The following CUX1 variants were observed in gnomAD, a reference collection of about 807,000 sequenced individuals.
CUX1 encodes protein CASP.
A neutral mutation model predicts 158.8 loss-of-function variants in CUX1; 31 were observed. That is an observed-to-expected ratio of 0.20 (90% confidence interval 0.15 to 0.26). The LOEUF is 0.26. Among genes scored for constraint, CUX1 ranks in the 10% least tolerant of loss-of-function variants. The pLI is 1.00. For synonymous variants in CUX1, 879 were observed against 862.1 expected (o/e 1.02, Z -0.34); for missense variants, 1,589 against 2,014.6 (o/e 0.79, Z 4.04).
intron 20 of CUX1, among the ~76,000 whole-genome samples, chr7:102,215,890 G>C (rs1023350416): frequency 2.6e-5 from 4 of 152,238 alleles, no homozygotes; most frequent in Non-Finnish European, 5.9e-5. Flanking sequence ...GGCTGCTCTC[G>C]GGGCAGACGC....
intron 1 of CUX1, among the ~76,000 whole-genome samples, chr7:101,849,168 T>G (rs534665802): frequency 9.9e-5 from 15 of 152,278 alleles, no homozygotes; most frequent in Admixed American, 9.2e-4. Context: ...TTTTTTTCTA[T>G]TTCACGTCAT....
intron 3 of CUX1, among the ~76,000 whole-genome samples, chr7:102,061,125 T>C (rs1343584638): frequency 1.3e-5 from 2 of 152,034 alleles, no homozygotes; most frequent in Non-Finnish European, 2.9e-5. Flanking sequence ...GGTTTCACCA[T>C]GTTGGCCAGG....
chr7:101,936,872 C>T (rs1807008600), intron 2 of CUX1, among the ~76,000 whole-genome samples: 1 of 152,210 alleles, frequency 6.6e-6, no homozygotes, highest in Non-Finnish European at 1.5e-5. Context: ...AGGAGCTCCC[C>T]CGTGTCAGCG....
At position 102,253,421 on chromosome 7, in the gene CUX1, G is replaced by C; in HGVS notation, c.*4379G>C. On this transcript the variant is annotated 3_prime_UTR_variant, in exon 24 of 24. Transcript: ENST00000292535. Reference sequence around the variant, plus strand: ...GCCCTAAAAAGAGAGGGGAACAGGAGTCCCCAGGTGAGCTCTCTGACGGGC... The same window carrying C: ...GCCCTAAAAAGAGAGGGGAACAGGACTCCCCAGGTGAGCTCTCTGACGGGC... 2 of 985,474 alleles carry C rather than the reference G, an allele frequency of 2.0e-6. No homozygotes were observed. Among genetic ancestry groups the C allele is most frequent in the Non-Finnish European group, 2.4e-6 (2 of 829,944 alleles). 61.0% of individuals were successfully genotyped at this position (985,474 alleles called of 1,614,324 possible). A position where few individuals can be genotyped will look rare whatever the true frequency, so the allele number is the denominator to read the frequency against.
At chr7:102,195,823 C>T (rs6954742) in intron 14 of CUX1, among the ~76,000 whole-genome samples, 2 of 152,148 alleles carry the variant, frequency 1.3e-5, no homozygotes, top group African/African-American at 2.4e-5. Context: ...GGGCCAGCCG[C>T]ACAGGCTCTG....
chr7:101,944,833 C>A (rs1035307999), intron 2 of CUX1, among the ~76,000 whole-genome samples: 1 of 152,228 alleles, frequency 6.6e-6, no homozygotes, highest in Non-Finnish European at 1.5e-5. Context: ...CAGGTTGCAT[C>A]TGTCGCCACA....
intron 1 of CUX1, among the ~76,000 whole-genome samples, chr7:101,844,734 G>A (rs772587597): frequency 5.3e-5 from 8 of 152,116 alleles, no homozygotes; most frequent in Non-Finnish European, 1.0e-4. Context: ...TTGTGCCTCA[G>A]CCTTTTGAGT....
intron 3 of CUX1, among the ~76,000 whole-genome samples, chr7:102,031,110 A>T (rs948961733): frequency 5.3e-5 from 8 of 151,936 alleles, no homozygotes; most frequent in African/African-American, 1.9e-4. Context: ...CCAGGCTGGG[A>T]TGAAGTGGCA....
At chr7:101,926,065 A>G (rs1180295754) in intron 2 of CUX1, among the ~76,000 whole-genome samples, 1 of 151,982 alleles carries the variant, frequency 6.6e-6, no homozygotes, top group Non-Finnish European at 1.5e-5. Context: ...CTCTAAAGAA[A>G]CTCCCCACAG....
intron 8 of CUX1, among the ~76,000 whole-genome samples, chr7:102,138,217 T>C (rs1834099337): frequency 6.6e-6 from 1 of 152,238 alleles, no homozygotes; most frequent in Non-Finnish European, 1.5e-5. Context: ...CATTGCCTTT[T>C]TACTCAAAAT....
At chr7:102,263,779 A>G (rs11772937) in intron 14 of CUX1, among the ~76,000 whole-genome samples, 90,159 of 150,676 alleles carry the variant, frequency 0.6, 27,282 homozygotes, top group East Asian at 0.79. Context: ...TGCAACCTCC[A>G]CCTCCGGGGT....
chr7:101,850,557 T>G (rs1796171772), intron 1 of CUX1, among the ~76,000 whole-genome samples: 1 of 151,936 alleles, frequency 6.6e-6, no homozygotes, highest in Non-Finnish European at 1.5e-5. Flanking sequence ...ATTGTTGTAT[T>G]TTTTGTAGAG....
chr7:102,272,593 C>G (rs139583951), intron 14 of CUX1, among the ~76,000 whole-genome samples: 6 of 152,230 alleles, frequency 3.9e-5, no homozygotes, highest in Admixed American at 1.3e-4. Context: ...AGGGCCAAAC[C>G]TCACCCTCAG....
At chr7:102,107,087 C>A (rs193020171) in intron 6 of CUX1, among the ~76,000 whole-genome samples, 1 of 151,888 alleles carries the variant, frequency 6.6e-6, no homozygotes, top group Admixed American at 6.6e-5. Flanking sequence ...TGTATGAATG[C>A]GCCATGCATG....
At chr7:101,847,205 C>T (rs1795793903) in intron 1 of CUX1, among the ~76,000 whole-genome samples, 1 of 152,156 alleles carries the variant, frequency 6.6e-6, no homozygotes. Context: ...TTCACCAACG[C>T]TGTAGCAAAT....
chr7:101,834,272 C>T (rs1461890784), intron 1 of CUX1, among the ~76,000 whole-genome samples: 1 of 139,026 alleles, frequency 7.2e-6, no homozygotes, highest in African/African-American at 2.7e-5. Context: ...CTCCTGGGTT[C>T]AAGCGATTCT....
intron 12 of CUX1, among the ~76,000 whole-genome samples, chr7:102,192,883 G>A (rs1554517392): frequency 6.6e-6 from 1 of 152,152 alleles, no homozygotes; most frequent in African/African-American, 2.4e-5. Flanking sequence ...GCAAAAAAGG[G>A]ACATCCACAG....
Position 102,256,376 on chromosome 7 carries a change from C to T in CUX1, c.*7334C>T. The T allele has an allele frequency of 1.0e-6, 1 of 985,184 alleles. No homozygotes were observed. Among genetic ancestry groups the T allele is most frequent in the Non-Finnish European group, 1.2e-6 (1 of 829,768 alleles). The allele number at this position is 985,184 out of a possible 1,614,324, so 61.0% of individuals were successfully genotyped here. A position where few individuals can be genotyped will look rare whatever the true frequency, so the allele number is the denominator to read the frequency against. On this transcript the variant is annotated 3_prime_UTR_variant, in exon 24 of 24. Coordinates refer to ENST00000292535, the MANE Select transcript of CUX1 (RefSeq NM_181552.4). ...TTAGGTTAATCATTTAAGTACTTAT[C>T]AGGAGTGTATTGTTATTTTGTGTTT...
rs948701591 is a variant in CUX1, at chr7:102,251,870, A to T, written c.*2828A>T. The T allele has an allele frequency of 1.2e-5, 12 of 985,328 alleles. No individual in the cohort carries two copies. In the Admixed American group the frequency reaches 7.4e-4, roughly 61 times the overall value. The allele number at this position is 985,328 out of a possible 1,614,324, so 61.0% of individuals were successfully genotyped here. On this transcript the variant is annotated 3_prime_UTR_variant, in exon 24 of 24. Coordinates refer to ENST00000292535, the MANE Select transcript of CUX1 (RefSeq NM_181552.4). ...TTTACAAAGGTGTTAAATCTGAGGA[A>T]ATTGACAAATACAGATTTGTCCATT...
Sources: allele counts gnomAD v4.1 joint callset (sites outside exome capture counted in the v4.1 genomes callset), GRCh38; gene constraint gnomAD v4.1.1; transcripts MANE v1.5; gene names NCBI Gene and HGNC (gene_info 2026-07-23, HGNC 2026-07-21).